The following ORC5 variants were observed in gnomAD, a reference collection of about 807,000 sequenced individuals.
The protein encoded by ORC5 is protein phosphatase 1, regulatory subunit 117.
ORC5 carries 39 observed loss-of-function variants against 58.8 expected under a neutral mutation model. The ratio of observed to expected loss-of-function variants is 0.66; its 90% CI spans 0.51 to 0.87. The LOEUF is 0.87. ORC5 is among the 40% of genes least tolerant of loss of function. ORC5 has a pLI of 0.00. For synonymous variants in ORC5, 218 were observed against 177.6 expected (o/e 1.23, Z -1.81); for missense variants, 493 against 506.3 (o/e 0.97, Z 0.25).
At chr7:104,191,929 C>T (rs1301507837) in intron 5 of ORC5, among the ~76,000 whole-genome samples, 3 of 152,060 alleles carry the variant, frequency 2.0e-5, no homozygotes, top group Non-Finnish European at 2.9e-5. Context: ...AAATACCCTC[C>T]TCTAATAATC....
chr7:104,204,172 A>G lies in ORC5; in HGVS notation c.135T>C (p.Tyr45=), dbSNP rs773671466. 4 of 1,596,478 alleles carry G rather than the reference A, an allele frequency of 2.5e-6. No individual in the cohort carries two copies. In the East Asian group the frequency reaches 9.0e-5, roughly 36 times the overall value. The change falls in exon 2 of 14, where the codon TAT becomes TAC. Residue 45 remains tyrosine (Y), a synonymous_variant. Coordinates refer to ENST00000297431, the MANE Select transcript of ORC5 (RefSeq NM_002553.4). ...AAGTTTTCAACAACGTTTGTGTTAC[A>G]TAGGTCTTTCCACTAGCAGTATGTC... ...IYGHTASGKT[Y]VTQTLLKTLE...
intron 1 of ORC5, among the ~76,000 whole-genome samples, chr7:104,205,086 C>T (rs60167765): frequency 0.061 from 6,051 of 99,402 alleles, 604 homozygotes; most frequent in African/African-American, 0.21. Context: ...TAATAATACT[C>T]TTTTTTTTTT....
intron 10 of ORC5, chr7:104,165,704 G>C: frequency 6.2e-6 from 1 of 161,974 alleles, no homozygotes; most frequent in Non-Finnish European, 1.3e-5. Context: ...CACTGATTGA[G>C]AGCATTTTAG....
intron 8 of ORC5, among the ~76,000 whole-genome samples, chr7:104,178,503 CA>C (rs1799367906): frequency 6.6e-6 from 1 of 151,984 alleles, no homozygotes; most frequent in Non-Finnish European, 1.5e-5. Context: ...TCTCCCATTC[CA>C]TAGGTTGCTT....
At chr7:104,173,092 G>A (rs555792354) in intron 8 of ORC5, among the ~76,000 whole-genome samples, 28 of 151,750 alleles carry the variant, frequency 1.8e-4, no homozygotes, top group Non-Finnish European at 3.1e-4. Context: ...GTGTTATCAC[G>A]GATAATGCTT....
chr7:104,171,887 C>T (rs1046333194), intron 8 of ORC5, among the ~76,000 whole-genome samples: 2 of 152,068 alleles, frequency 1.3e-5, no homozygotes, highest in African/African-American at 4.8e-5. Flanking sequence ...CAAAATGTCA[C>T]TTTGATTCTC....
At position 104,136,858 on chromosome 7, in the gene ORC5, C is replaced by T; in HGVS notation, c.1185G>A (p.Leu395=). The T allele has an allele frequency of 6.2e-7, 1 of 1,613,898 alleles. No individual in the cohort carries two copies. The change falls in exon 13 of 14, where the codon CTG becomes CTA. Residue 395 remains leucine (L), a synonymous_variant. Transcript: ENST00000297431. This position sits in a 1 kb window ranked among gnomAD's most constrained non-coding sequence, Gnocchi z 4.2. ...CATCAAGCTGATCGTCATGGCCAACCAGGGTTAACAGCTGAAGGGTCACTA... is the reference window on the plus strand; with the variant it reads ...CATCAAGCTGATCGTCATGGCCAACTAGGGTTAACAGCTGAAGGGTCACTA... The part of the protein sequence containing the change: ...TSLVTLQLLT[L]VGHDDQLDGP...
At chr7:104,173,722 A>G (rs1301452964) in intron 8 of ORC5, among the ~76,000 whole-genome samples, 1 of 152,112 alleles carries the variant, frequency 6.6e-6, no homozygotes, top group East Asian at 1.9e-4. Context: ...TCTGGTTTGA[A>G]TACTCCGGTT....
In ORC5 at chr7:104,129,278, G is replaced by C. The variant is rs747291112; in HGVS notation, c.1263-2385C>G. On this transcript the variant is annotated intron_variant, in intron 13 of 13. Coordinates refer to ENST00000297431, the MANE Select transcript of ORC5 (RefSeq NM_002553.4). The surrounding 1 kb of genome is among the most constrained non-coding windows in gnomAD (Gnocchi z 4.9). ...ACAGACTTAATAGAATGAATGGAGT[G>C]ACTTAAAAACACTAAGCAACTTAAA... Among the ~76,000 whole-genome samples, 1 of 152,052 alleles carries C rather than the reference G, an allele frequency of 6.6e-6. No homozygotes were observed. The highest frequency in any genetic ancestry group is 1.5e-5 in the Non-Finnish European group (1 of 68,002).
chr7:104,161,996 A>G (rs1443189411), intron 11 of ORC5, among the ~76,000 whole-genome samples: 1 of 152,186 alleles, frequency 6.6e-6, no homozygotes, highest in Non-Finnish European at 1.5e-5. Context: ...AACTAATAAA[A>G]TATTTTATAA....
At position 104,200,637 on chromosome 7, in the gene ORC5, C is replaced by A. The variant is rs1799915553; in HGVS notation, c.366+121G>T. ...AATATATTTAATACATTTCTGTATA[C>A]TAAAAGCACCTGGCACAGAGCACTG... On this transcript the variant is annotated intron_variant, in intron 3 of 13. Transcript: ENST00000297431. The A allele has an allele frequency of 4.6e-6, 3 of 651,676 alleles. No individual in the cohort carries two copies. The East Asian group carries it at 8.2e-5, about 18-fold the overall frequency. The allele number at this position is 651,676 out of a possible 1,614,324, so 40.4% of individuals were successfully genotyped here. A position where few individuals can be genotyped will look rare whatever the true frequency, so the allele number is the denominator to read the frequency against.
At position 104,188,300 on chromosome 7, in the gene ORC5, A is replaced by G. The variant is rs1371033694; in HGVS notation, c.635T>C (p.Leu212Pro). 6.2e-7 allele frequency: 1 copy of G among 1,613,358 alleles called. No homozygotes were observed. Among genetic ancestry groups the G allele is most frequent in the South Asian group, 1.1e-5 (1 of 91,058 alleles). The change falls in exon 6 of 14, where the codon CTT (leucine) becomes CCT (proline). Residue 212 changes from leucine (L) to proline (P), a missense_variant. Leu to Pro is a moderately conservative substitution (Grantham distance 98, BLOSUM62 -3). Transcript: ENST00000297431. ...TCGACAAACAGTGTAGAAAACTCCA[A>G]GAAGAATGTTAATGTAGGCAGCATA... ...DFYAAYINIL[L>P]GVFYTVCRDL...
At position 104,168,501 on chromosome 7, in the gene ORC5, T is replaced by G. The variant is rs1799146101; in HGVS notation, c.849A>C (p.Lys283Asn). ...ISSSQWEKLQ[K>N]DDTDPGQLKG... is the part of the protein sequence containing the mutation. ...TCAGTTGCCCCGGATCTGTGTCATCTTTCTGTAGCTTTTCCCACTGGGAAC... is the reference window on the plus strand; with the variant it reads ...TCAGTTGCCCCGGATCTGTGTCATCGTTCTGTAGCTTTTCCCACTGGGAAC... The change falls in exon 9 of 14, where the codon AAA (lysine) becomes AAC (asparagine). Residue 283 changes from lysine to asparagine, a missense_variant. This residue lies in a region of ORC5 where 412 missense variants were observed against 403.7 expected (regional missense o/e 1.02). Transcript: ENST00000297431. The G allele has an allele frequency of 4.4e-6, 7 of 1,579,764 alleles. No homozygotes were observed. The highest frequency in any genetic ancestry group is 4.3e-6 in the Non-Finnish European group (5 of 1,167,134).
intron 5 of ORC5, among the ~76,000 whole-genome samples, chr7:104,191,974 T>A (rs1199805506): frequency 6.6e-6 from 1 of 152,128 alleles, no homozygotes; most frequent in Non-Finnish European, 1.5e-5. Context: ...AAAACAACTA[T>A]TTTTAAATAT....
chr7:104,171,579 C>A (rs1799211468), intron 8 of ORC5, among the ~76,000 whole-genome samples: 1 of 152,052 alleles, frequency 6.6e-6, no homozygotes, highest in African/African-American at 2.4e-5. Context: ...TCCTTCATTA[C>A]CAACTCTCAA....
chr7:104,198,385 T>C (rs565669592), intron 3 of ORC5, among the ~76,000 whole-genome samples: 81 of 152,252 alleles, frequency 5.3e-4, no homozygotes, highest in African/African-American at 1.9e-3. Context: ...TAGATGGACA[T>C]GAGGAACTAA....
At chr7:104,191,218 G>C (rs1417601121) in intron 5 of ORC5, among the ~76,000 whole-genome samples, 2 of 150,010 alleles carry the variant, frequency 1.3e-5, no homozygotes, top group Non-Finnish European at 3.0e-5. Flanking sequence ...TTTTTAACTA[G>C]GCATGGGGAA....
At position 104,131,655 on chromosome 7, in the gene ORC5, A is replaced by G. The variant is rs142778193; in HGVS notation, c.1263-4762T>C. 2.4e-3 allele frequency among the ~76,000 whole-genome samples: 360 copies of G among 152,090 alleles called. 2 individuals carry two copies. The highest frequency in any genetic ancestry group is 8.2e-3 in the African/African-American group (342 of 41,500). ...TCACCTGAGGTCAGGGGTTTGAGAC[A>G]AGCCTGGCCAACATGGCAAAACCCC... is the stretch of plus-strand genomic sequence containing the variant. On this transcript the variant is annotated intron_variant, in intron 13 of 13. Transcript: ENST00000297431.
At chr7:104,183,773 C>T (rs1247079448) in intron 8 of ORC5, among the ~76,000 whole-genome samples, 170 bp downstream of exon 8, 2 of 152,184 alleles carry the variant, frequency 1.3e-5, no homozygotes, top group Non-Finnish European at 2.9e-5. Flanking sequence ...TCTTCCTTTA[C>T]CTCCCTGAAG....
Sources: gnomAD v4.1 joint callset for allele counts (sites outside exome capture counted in the v4.1 genomes callset) on GRCh38, gnomAD v4.1.1 for gene constraint, gnomAD v4.1.1 regional missense constraint, Gnocchi (gnomAD v3.1) non-coding constraint, MANE v1.5 for transcripts, NCBI Gene and HGNC (gene_info 2026-07-23, HGNC 2026-07-21) for gene names.